The following ZP3 variants were observed in gnomAD, a reference collection of about 807,000 sequenced individuals.
ZP3 encodes zona pellucida glycoprotein 3, also known as zona pellucida sperm-binding protein 3.
In ZP3, 21 loss-of-function variants were observed where a neutral mutation model predicts 35.6. The ratio of observed to expected loss-of-function variants is 0.59; its 90% confidence interval spans 0.42 to 0.85. ZP3 has a LOEUF of 0.85. ZP3 is among the 40% of genes least tolerant of loss of function. The probability of loss-of-function intolerance (pLI) is 0.00; values close to 1 mark genes in which losing one functional copy is unlikely to be tolerated. For missense variants in ZP3, 437 were observed against 536.5 expected, an observed-to-expected ratio of 0.81 and a Z score of 1.83; for synonymous variants, 207 against 214.5, an observed-to-expected ratio of 0.96 and a Z score of 0.31.
chr7:76,440,142 C>T (rs1251726310), intron 5 of ZP3, 108 bp from the exon 6 acceptor site: 21 of 1,476,276 alleles, frequency 1.4e-5, no homozygotes, highest in South Asian at 5.2e-5. Context: ...CCAATGCACC[C>T]GGCCCCTTCT....
chr7:76,426,708 T>C (rs1805665230), intron 1 of ZP3, among the ~76,000 whole-genome samples: 1 of 151,946 alleles, frequency 6.6e-6, no homozygotes, highest in Admixed American at 6.6e-5. Flanking sequence ...TATTTTTTTG[T>C]TGTTGTTTTT....
At chr7:76,430,726 C>T (rs879103004) in intron 2 of ZP3, among the ~76,000 whole-genome samples, 3 of 152,192 alleles carry the variant, frequency 2.0e-5, no homozygotes, top group African/African-American at 7.2e-5. Context: ...CAGAGCAAGA[C>T]TCCATCTCAA....
chr7:76,431,262 C>A (rs1477819800), intron 2 of ZP3, among the ~76,000 whole-genome samples: 1 of 152,110 alleles, frequency 6.6e-6, no homozygotes, highest in Admixed American at 6.6e-5. Flanking sequence ...GGCAGGCTGC[C>A]CAGTCGGCAT....
chr7:76,401,142 C>T (rs1804814542), intron 1 of ZP3: 4 of 1,409,818 alleles, frequency 2.8e-6, no homozygotes, highest in Non-Finnish European at 3.8e-6. Context: ...TCAACATTAC[C>T]CCCATCTTCT....
intron 7 of ZP3, among the ~76,000 whole-genome samples, chr7:76,440,818 G>A (rs1371437303): frequency 1.3e-5 from 2 of 151,850 alleles, no homozygotes; most frequent in Admixed American, 6.6e-5. Context: ...AGGGAGATCT[G>A]CTGTCATCCT....
At chr7:76,411,006 A>AC in intron 1 of ZP3, among the ~76,000 whole-genome samples, 1 of 143,286 alleles carries the variant, frequency 7.0e-6, no homozygotes, top group East Asian at 2.0e-4. Context: ...AAAGAAAAAA[A>AC]AAAAAAAAAA....
chr7:76,402,156 A>T (rs1254322604), intron 1 of ZP3, among the ~76,000 whole-genome samples: 5 of 149,620 alleles, frequency 3.3e-5, no homozygotes, highest in Admixed American at 2.0e-4. Flanking sequence ...AATAGCTGGG[A>T]CAAGCTCCTG....
At chr7:76,400,940 T>C in intron 1 of ZP3, 1 of 1,546,388 alleles carries the variant, frequency 6.5e-7, no homozygotes, top group South Asian at 1.2e-5. Flanking sequence ...CTTCCTGTGG[T>C]TCCCTGTCTG....
chr7:76,426,907 C>CACACACACACACAAACAA (rs57796274), intron 1 of ZP3, among the ~76,000 whole-genome samples: 1 of 126,870 alleles, frequency 7.9e-6, no homozygotes, highest in African/African-American at 3.1e-5. Context: ...CACACACACA[C>CACACACACACACAAACAA]AATAGGGTGT....
At chr7:76,409,323 TCACACACACACACACACACACA>T (rs3081030) in intron 1 of ZP3, 2 of 146,428 alleles carry the variant, frequency 1.4e-5, no homozygotes, top group African/African-American at 5.0e-5. Context: ...TCTCTCTGTC[TCACACACACACACACACACACA>T]CACACACACA....
In ZP3 at chr7:76,431,726, C is replaced by T. The variant is rs568714026; in HGVS notation, c.432-1201C>T. On this transcript the variant is annotated intron_variant, in intron 2 of 7. Transcript: ENST00000394857. Reference sequence around the variant, plus strand: ...CATCCTGGCTAACGTGGTGAAACCCCGTCTCTACTAAAAATACAAAAAATT... The same window carrying T: ...CATCCTGGCTAACGTGGTGAAACCCTGTCTCTACTAAAAATACAAAAAATT... Among the ~76,000 whole-genome samples the T allele has an allele frequency of 1.9e-4, 29 of 152,156 alleles. No individual in the cohort carries two copies. The South Asian group carries it at 5.2e-3, about 27-fold the overall frequency.
upstream of ZP3, among the ~76,000 whole-genome samples, chr7:76,420,510 A>C (rs1805480921): frequency 6.6e-6 from 1 of 152,188 alleles, no homozygotes; most frequent in Non-Finnish European, 1.5e-5. Flanking sequence ...TGAACATGGA[A>C]TACCTCTGTA....
intron 1 of ZP3, chr7:76,404,538 T>G: frequency 6.3e-7 from 1 of 1,576,990 alleles, no homozygotes; most frequent in Non-Finnish European, 8.7e-7. Flanking sequence ...TTGCTGGGCC[T>G]CCCAGCACTT....
chr7:76,427,802 C>T (rs2115893858), intron 1 of ZP3, among the ~76,000 whole-genome samples: 1 of 152,242 alleles, frequency 6.6e-6, no homozygotes, highest in South Asian at 2.1e-4. Context: ...CCTCAGCCTC[C>T]TGAATAGCTG....
At chr7:76,400,065 T>C (rs1197597498) in intron 1 of ZP3, among the ~76,000 whole-genome samples, 1 of 152,124 alleles carries the variant, frequency 6.6e-6, no homozygotes, top group Non-Finnish European at 1.5e-5. Flanking sequence ...ATAGAAGCAG[T>C]AGTGCTGGTT....
At position 76,428,329 on chromosome 7, in the gene ZP3, A is replaced by G. The variant is rs372510340; in HGVS notation, c.313-1186A>G. 2.8e-4 allele frequency among the ~76,000 whole-genome samples: 42 copies of G among 148,132 alleles called. 1 individual carries two copies. The East Asian group carries it at 5.7e-3, about 20-fold the overall frequency. Reference sequence around the variant, plus strand: ...GAGCAAGACTGCATCTCAAAAAAACAAAAGGTGGTTAGGAAGTGACTAAAG... The same window carrying G: ...GAGCAAGACTGCATCTCAAAAAAACGAAAGGTGGTTAGGAAGTGACTAAAG... On this transcript the variant is annotated intron_variant, in intron 1 of 7. Transcript: ENST00000394857.
chr7:76,418,842 G>T (rs998308484), intron 1 of ZP3, among the ~76,000 whole-genome samples: 2 of 152,164 alleles, frequency 1.3e-5, no homozygotes, highest in Admixed American at 6.6e-5. Flanking sequence ...GGCCACAGAG[G>T]GAGACTCTGT....
rs886228084 is a variant in ZP3, at chr7:76,404,752, C to G, written c.-67+6955C>G. Among the ~76,000 whole-genome samples, 7 of 151,230 alleles carry G rather than the reference C, an allele frequency of 4.6e-5. No homozygotes were observed. In the South Asian group the frequency reaches 1.5e-3, roughly 32 times the overall value. On this transcript the variant is annotated intron_variant, in intron 1 of 8. Coordinates refer to the ZP3 transcript ENST00000336517. ...TCGAGATATAGCCTGGGTAACATGG[C>G]GAAAACCTGTCTGTTACCAAAAAAT...
intron 1 of ZP3, among the ~76,000 whole-genome samples, chr7:76,417,930 T>C (rs1418043103): frequency 4.3e-5 from 6 of 138,194 alleles, no homozygotes; most frequent in Non-Finnish European, 9.1e-5. Context: ...AGTGCTTTCT[T>C]TCTTTCTTTC....
Sources: allele counts gnomAD v4.1 joint callset (sites outside exome capture counted in the v4.1 genomes callset), GRCh38; gene constraint gnomAD v4.1.1; transcripts MANE v1.5; gene names NCBI Gene and HGNC (gene_info 2026-07-23, HGNC 2026-07-21).